The following SPATA13 variants were observed in gnomAD, a reference collection of about 807,000 sequenced individuals.
The protein encoded by SPATA13 is spermatogenesis-associated protein 13.
A neutral mutation model predicts 104.0 loss-of-function variants in SPATA13; 50 were observed. That is an observed-to-expected ratio of 0.48 (90% CI 0.38 to 0.61). The LOEUF (loss-of-function observed/expected upper bound fraction) is 0.61. Ranked by LOEUF, SPATA13 falls within the 20% of genes least tolerant of loss-of-function variation. SPATA13 has a pLI of 0.00. For missense variants in SPATA13, 1,524 were observed against 1,690.6 expected (o/e 0.90, Z 1.73); for synonymous variants, 606 against 667.5 (o/e 0.91, Z 1.42).
At position 24,284,267 on chromosome 13, in the gene SPATA13, A is replaced by G. The variant is rs140515823; in HGVS notation, c.2297A>G (p.Asn766Ser). ...LQPGGEQLAINELISDGNVVC... is the reference protein window; with the variant it reads ...LQPGGEQLAISELISDGNVVC... ...CCCGGCGGGGAGCAGCTGGCCATCA[A>G]TGAGGTACTGGAATTCCACACGACA... is the stretch of plus-strand genomic sequence containing the variant. Residue 766 changes from asparagine to serine, a missense_variant, in exon 5 of 13, where the codon AAT becomes AGT. Physicochemically the swap from Asn to Ser is conservative, Grantham distance 46. Transcript: ENST00000382108. The G allele has an allele frequency of 3.1e-3, 4,999 of 1,613,348 alleles. 15 individuals are homozygous for G. Among genetic ancestry groups the G allele is most frequent in the Non-Finnish European group, 3.8e-3 (4,511 of 1,179,658 alleles).
intron 7 of SPATA13, among the ~76,000 whole-genome samples, chr13:24,287,442 C>T (rs74681838): frequency 0.021 from 3,182 of 152,288 alleles, 121 homozygotes; most frequent in African/African-American, 0.071. Context: ...GGATTAGAGG[C>T]GTGAGCCAGT....
chr13:23,989,259 T>TAAAAATACA (rs1304392622), intron 2 of SPATA13, among the ~76,000 whole-genome samples: 1 of 151,954 alleles, frequency 6.6e-6, no homozygotes, highest in Non-Finnish European at 1.5e-5. Context: ...CCGTCTCTAC[T>TAAAAATACA]AAAAATACAA....
intron 4 of SPATA13, among the ~76,000 whole-genome samples, chr13:24,253,359 A>G (rs182422607): frequency 1.4e-4 from 22 of 152,286 alleles, no homozygotes; most frequent in South Asian, 2.1e-4. Flanking sequence ...TCTCTTCCCT[A>G]GAAGGAGACA....
chr13:24,247,731 T>C (rs1362304540), intron 2 of SPATA13, among the ~76,000 whole-genome samples: 1 of 151,982 alleles, frequency 6.6e-6, no homozygotes, highest in African/African-American at 2.4e-5. Flanking sequence ...GATCTGCCCA[T>C]CTTGGCCTCC....
intron 3 of SPATA13, among the ~76,000 whole-genome samples, chr13:24,142,126 T>G (rs1881782858): frequency 1.3e-5 from 2 of 151,634 alleles, no homozygotes; most frequent in South Asian, 4.2e-4. Flanking sequence ...TTTTTTTAGC[T>G]TTTTTATGCT....
chr13:24,283,855 G>A (rs1056393235), intron 4 of SPATA13, among the ~76,000 whole-genome samples: 4 of 152,168 alleles, frequency 2.6e-5, no homozygotes, highest in Admixed American at 2.6e-4. Context: ...TTGGAGCACA[G>A]ACTTCCAACT....
intron 3 of SPATA13, among the ~76,000 whole-genome samples, chr13:24,043,260 G>A (rs1031328647): frequency 6.6e-5 from 10 of 152,316 alleles, no homozygotes; most frequent in Non-Finnish European, 1.0e-4. Flanking sequence ...AAGGGATTGC[G>A]TGGCCAAGAG....
At position 24,210,061 on chromosome 13, in the gene SPATA13, T is replaced by A. The variant is rs140150778; in HGVS notation, c.-111-12758T>A. 9.2e-3 allele frequency among the ~76,000 whole-genome samples: 1,399 copies of A among 152,266 alleles called. 14 individuals carry two copies. Among genetic ancestry groups the A allele is most frequent in the African/African-American group, 0.028 (1,146 of 41,558 alleles). ...CATATATCTCTTGGCCATTTGTGTG[T>A]CTTCTTTGAAAAAATGTTCAGTTCC... On this transcript the variant is annotated intron_variant, in intron 1 of 12. Coordinates refer to ENST00000382108, the MANE Select transcript of SPATA13 (RefSeq NM_001166271.3).
rs1461676815 is a variant in SPATA13 at position 24,290,835 on chromosome 13, T to C, written c.3031T>C (p.Tyr1011His). ...LLTPVQKICK[Y>H]PLQLAELLKY... ...CACACCAGTGCAGAAGATCTGCAAA[T>C]ACCCGCTGCAGCTGGCCGAGCTGCT... Residue 1011 changes from tyrosine to histidine, a missense_variant, in exon 9 of 13, where the codon TAC (tyrosine) becomes CAC (histidine). Physicochemically the swap from Tyr to His is moderately conservative, Grantham distance 83 (BLOSUM62 2). Around this residue, in one of 2 missense-constraint regions of SPATA13, gnomAD observed 435 missense variants for 554.8 expected, o/e 0.78. Coordinates refer to ENST00000382108, the MANE Select transcript of SPATA13 (RefSeq NM_001166271.3). 1.2e-6 allele frequency: 2 copies of C among 1,614,128 alleles called. No homozygotes were observed. Among genetic ancestry groups the C allele is most frequent in the Non-Finnish European group, 1.7e-6 (2 of 1,180,034 alleles).
At position 24,254,121 on chromosome 13, in the gene SPATA13, C is replaced by T. The variant is rs551428598; in HGVS notation, c.2164+2259C>T. ...TAGCAGTGACCACAAAAGCCATCCCCATTTTCCGTGGGTGCTCATTTTCCC... is the reference window on the plus strand; with the variant it reads ...TAGCAGTGACCACAAAAGCCATCCCTATTTTCCGTGGGTGCTCATTTTCCC... On this transcript the variant is annotated intron_variant, in intron 4 of 12. Coordinates refer to ENST00000382108, the MANE Select transcript of SPATA13 (RefSeq NM_001166271.3). Among the ~76,000 whole-genome samples, 8 of 152,226 alleles carry T rather than the reference C, an allele frequency of 5.3e-5. No homozygotes were observed. In the South Asian group the frequency reaches 1.2e-3, roughly 24 times the overall value.
chr13:24,009,237 G>C (rs1000991443), intron 2 of SPATA13, among the ~76,000 whole-genome samples: 12 of 152,236 alleles, frequency 7.9e-5, no homozygotes, highest in African/African-American at 2.7e-4. Flanking sequence ...GGTCCAGCAA[G>C]GAGGGCCACC....
chr13:24,150,574 C>T (rs1464795596), intron 3 of SPATA13, among the ~76,000 whole-genome samples: 3 of 151,720 alleles, frequency 2.0e-5, no homozygotes, highest in Admixed American at 2.0e-4. Context: ...AGGAATTGCA[C>T]ACAAATTTGA....
At chr13:24,066,077 C>T (rs1378857354) in intron 3 of SPATA13, among the ~76,000 whole-genome samples, 1 of 152,138 alleles carries the variant, frequency 6.6e-6, no homozygotes, top group African/African-American at 2.4e-5. Context: ...TAATCTATTA[C>T]CATTATAATT....
At chr13:24,171,994 T>C (rs369255862) in intron 1 of SPATA13, among the ~76,000 whole-genome samples, 1 of 152,156 alleles carries the variant, frequency 6.6e-6, no homozygotes. Flanking sequence ...TGATGACATC[T>C]TGCAAGACTG....
intron 1 of SPATA13, among the ~76,000 whole-genome samples, chr13:24,211,105 A>T (rs1486233442): frequency 1.3e-5 from 2 of 152,178 alleles, no homozygotes; most frequent in East Asian, 3.8e-4. Flanking sequence ...TTCCATGTTG[A>T]TATTTATCCT....
chr13:24,276,546 C>T (rs115167895), intron 4 of SPATA13, among the ~76,000 whole-genome samples: 283 of 152,190 alleles, frequency 1.9e-3, no homozygotes, highest in African/African-American at 6.5e-3. Flanking sequence ...GGCCGTTCTG[C>T]AAGATGAAAA....
chr13:24,019,188 A>T (rs868301550), intron 3 of SPATA13, among the ~76,000 whole-genome samples: 2 of 148,260 alleles, frequency 1.3e-5, no homozygotes, highest in Admixed American at 6.7e-5. Context: ...TCCCGGGTTC[A>T]CGCCATTCTC....
intron 2 of SPATA13, among the ~76,000 whole-genome samples, chr13:24,246,670 C>T (rs181814339): frequency 4.1e-4 from 62 of 152,126 alleles, no homozygotes; most frequent in Admixed American, 1.2e-3. Context: ...CCATTCTGGC[C>T]AACATGGTGA....
rs528441688 is a variant in SPATA13, at chr13:24,136,186, TA to T, written c.-111-86630del. 1.7e-3 allele frequency among the ~76,000 whole-genome samples: 255 copies of T among 152,338 alleles called. No individual in the cohort carries two copies. The South Asian group carries it at 0.024, about 15-fold the overall frequency. ...CCAGGCCACAAAAATTCCTTATTTT[TA>T]AATAAACAATCATGTGGCTTATGCC... On this transcript the variant is annotated intron_variant, in intron 3 of 14. Transcript: ENST00000424834.
Sources: allele counts gnomAD v4.1 joint callset (sites outside exome capture counted in the v4.1 genomes callset), GRCh38; gene constraint gnomAD v4.1.1; regional missense constraint gnomAD v4.1.1; transcripts MANE v1.5; gene names NCBI Gene and HGNC (gene_info 2026-07-23, HGNC 2026-07-21).